EFCAB6: variants seen among roughly 807,000 people sequenced by gnomAD.
The protein encoded by EFCAB6 is EF-hand calcium binding domain 6.
A neutral mutation model predicts 169.8 loss-of-function variants in EFCAB6; 156 were observed. The observed-to-expected ratio is 0.92, with a 90% CI of 0.81 to 1.05. EFCAB6 has a LOEUF of 1.05. Among genes scored for constraint, EFCAB6 ranks in the 50% least tolerant of loss-of-function variants. The pLI is 0.00. For missense variants in EFCAB6, 1,800 were observed against 1,829.1 expected (o/e 0.98, Z 0.29); for synonymous variants, 698 against 676.4 (o/e 1.03, Z -0.50).
intron 1 of EFCAB6, among the ~76,000 whole-genome samples, chr22:43,809,577 G>T (rs2063034642): frequency 6.6e-6 from 1 of 152,132 alleles, no homozygotes; most frequent in Non-Finnish European, 1.5e-5. Flanking sequence ...CTGTGTCCCT[G>T]TTGCCTTTTG....
rs190274621 is a variant in EFCAB6 at position 43,736,644 on chromosome 22, G to T, written c.508-651C>A. Among the ~76,000 whole-genome samples, 245 of 151,948 alleles carry T rather than the reference G, an allele frequency of 1.6e-3. 4 individuals carry two copies. The highest frequency in any genetic ancestry group is 0.012 in the South Asian group (57 of 4,796). ...CAGGATATTTATTGGGCTCACAGAC[G>T]CACACAATGTTAGGATAGACCCTGT... is the stretch of plus-strand genomic sequence containing the variant. On this transcript the variant is annotated intron_variant, in intron 6 of 31. Coordinates refer to ENST00000262726, the MANE Select transcript of EFCAB6 (RefSeq NM_022785.4).
chr22:43,561,245 TA>T (rs1430392422), intron 26 of EFCAB6, among the ~76,000 whole-genome samples: 1 of 151,430 alleles, frequency 6.6e-6, no homozygotes, highest in Non-Finnish European at 1.5e-5. Flanking sequence ...TAGTCCCAGC[TA>T]CTCAGGGGGC....
intron 8 of EFCAB6, among the ~76,000 whole-genome samples, chr22:43,719,997 T>G (rs779364452): frequency 2.0e-5 from 3 of 152,178 alleles, no homozygotes; most frequent in Non-Finnish European, 4.4e-5. Context: ...GCTAAGAGAA[T>G]AGATGTTAAG....
At chr22:43,806,659 T>G (rs1297702350) in intron 2 of EFCAB6, among the ~76,000 whole-genome samples, 1 of 152,206 alleles carries the variant, frequency 6.6e-6, no homozygotes, top group African/African-American at 2.4e-5. Flanking sequence ...TCTTACCCAG[T>G]GCTCCCAACA....
intron 17 of EFCAB6, among the ~76,000 whole-genome samples, chr22:43,661,458 T>G (rs1167698053): frequency 6.6e-6 from 1 of 152,204 alleles, no homozygotes; most frequent in Non-Finnish European, 1.5e-5. Context: ...TTATGTTAAG[T>G]GTCAAAGGAC....
chr22:43,699,085 C>T lies in EFCAB6; in HGVS notation c.1032-11504G>A, dbSNP rs80204581. Among the ~76,000 whole-genome samples, 540 of 152,228 alleles carry T rather than the reference C, an allele frequency of 3.5e-3. 5 individuals carry two copies. The highest frequency in any genetic ancestry group is 0.017 in the South Asian group (82 of 4,812). ...TCACCCCTAAAAGGATGCTGAGGCT[C>T]GGAGGGATTGACTGCACTGGATATT... On this transcript the variant is annotated intron_variant, in intron 10 of 31. Transcript: ENST00000262726.
intron 26 of EFCAB6, among the ~76,000 whole-genome samples, chr22:43,560,576 C>A (rs2048968146): frequency 6.6e-6 from 1 of 152,232 alleles, no homozygotes; most frequent in African/African-American, 2.4e-5. Context: ...ACAGATGCAA[C>A]TGGCTGGGAC....
intron 6 of EFCAB6, among the ~76,000 whole-genome samples, chr22:43,737,294 A>C (rs142955870): frequency 1.3e-5 from 2 of 152,176 alleles, no homozygotes; most frequent in African/African-American, 4.8e-5. Flanking sequence ...ACACATGCAC[A>C]GATACATGCA....
At chr22:43,592,799 G>A (rs909937307) in intron 23 of EFCAB6, among the ~76,000 whole-genome samples, 4 of 152,148 alleles carry the variant, frequency 2.6e-5, no homozygotes, top group Non-Finnish European at 4.4e-5. Context: ...GTTTTCGAAC[G>A]AGCCCGTGTT....
At chr22:43,642,662 C>T (rs996169029) in intron 17 of EFCAB6, among the ~76,000 whole-genome samples, 6 of 152,158 alleles carry the variant, frequency 3.9e-5, no homozygotes, top group East Asian at 1.9e-4. Context: ...TGTACTTGAA[C>T]GGAAAATTCA....
At chr22:43,717,081 A>C in intron 8 of EFCAB6, 109 bp from the exon 9 acceptor site, 1 of 1,320,074 alleles carries the variant, frequency 7.6e-7, no homozygotes, top group Non-Finnish European at 9.8e-7. Context: ...GGCTTGAATA[A>C]ACCAAGAAAA....
intron 26 of EFCAB6, among the ~76,000 whole-genome samples, chr22:43,566,313 A>T (rs749764460): frequency 1.3e-5 from 2 of 152,242 alleles, no homozygotes; most frequent in African/African-American, 2.4e-5. Flanking sequence ...ATCTCTTACC[A>T]CACAAGGATT....
intron 17 of EFCAB6, among the ~76,000 whole-genome samples, chr22:43,653,391 A>G (rs887302865): frequency 1.3e-5 from 2 of 152,232 alleles, no homozygotes; most frequent in African/African-American, 4.8e-5. Flanking sequence ...GATAGAAGAC[A>G]TAGACCATGG....
At chr22:43,680,967 C>T (rs1042514946) in intron 12 of EFCAB6, among the ~76,000 whole-genome samples, 2 of 152,118 alleles carry the variant, frequency 1.3e-5, no homozygotes, top group Admixed American at 6.5e-5. Flanking sequence ...TTTTCTTTCT[C>T]GATTGGACTG....
chr22:43,751,748 T>C (rs775223492), intron 6 of EFCAB6, among the ~76,000 whole-genome samples: 1 of 152,252 alleles, frequency 6.6e-6, no homozygotes, highest in African/African-American at 2.4e-5. Context: ...CTCTCTGTGA[T>C]GGACTGGGTC....
At chr22:43,683,712 G>T in intron 12 of EFCAB6, 35 bp downstream of exon 12, 1 of 1,406,064 alleles carries the variant, frequency 7.1e-7, no homozygotes, top group Non-Finnish European at 1.0e-6. Context: ...TAGAAACAAT[G>T]AGTGTTTCAC....
intron 10 of EFCAB6, among the ~76,000 whole-genome samples, chr22:43,697,366 A>G (rs541040242): frequency 2.6e-5 from 4 of 152,320 alleles, no homozygotes; most frequent in Admixed American, 2.6e-4. Context: ...ACAGAATGTA[A>G]TCTATACCTC....
At chr22:43,720,715 G>A (rs1011537469) in intron 8 of EFCAB6, among the ~76,000 whole-genome samples, 5 of 151,946 alleles carry the variant, frequency 3.3e-5, no homozygotes, top group Admixed American at 6.6e-5. Context: ...AAGTTGTGGT[G>A]TAGAAGAGAA....
intron 13 of EFCAB6, among the ~76,000 whole-genome samples, chr22:43,673,052 G>C (rs1337969374): frequency 6.6e-6 from 1 of 152,124 alleles, no homozygotes; most frequent in African/African-American, 2.4e-5. Flanking sequence ...CACAGGTGGG[G>C]GTTTCAGAAA....
Sources: gnomAD v4.1 joint callset for allele counts (sites outside exome capture counted in the v4.1 genomes callset) on GRCh38, gnomAD v4.1.1 for gene constraint, MANE v1.5 for transcripts, NCBI Gene and HGNC (gene_info 2026-07-23, HGNC 2026-07-21) for gene names.